The following TMTC1 variants were observed in gnomAD, a reference collection of about 807,000 sequenced individuals.
TMTC1 encodes transmembrane O-mannosyltransferase targeting cadherins 1.
TMTC1 carries 73 observed loss-of-function variants against 104.8 expected under a neutral mutation model. The ratio of observed to expected loss-of-function variants is 0.70; its 90% CI spans 0.58 to 0.85. TMTC1 has a LOEUF of 0.85. Among genes scored for constraint, TMTC1 ranks in the 40% least tolerant of loss-of-function variants. The pLI is 0.00. For synonymous variants in TMTC1, 434 were observed against 428.7 expected (o/e 1.01, Z -0.15); for missense variants, 1,035 against 1,096.1 (o/e 0.94, Z 0.79).
chr12:29,672,075 G>A (rs2136683590), intron 5 of TMTC1, among the ~76,000 whole-genome samples: 1 of 152,218 alleles, frequency 6.6e-6, no homozygotes. Flanking sequence ...ATGGTGAAGT[G>A]GAAGTTCCAA....
chr12:29,650,809 G>A (rs1403657274), intron 5 of TMTC1, among the ~76,000 whole-genome samples: 1 of 152,160 alleles, frequency 6.6e-6, no homozygotes, highest in Non-Finnish European at 1.5e-5. Flanking sequence ...ATTCCGAGGC[G>A]TTCAGTTCTG....
intron 5 of TMTC1, among the ~76,000 whole-genome samples, chr12:29,693,606 AT>A (rs1941328027): frequency 6.6e-6 from 1 of 151,936 alleles, no homozygotes; most frequent in Non-Finnish European, 1.5e-5. Context: ...GCTTCTATAA[AT>A]TTATTTTAAA....
intron 7 of TMTC1, among the ~76,000 whole-genome samples, chr12:29,584,312 T>C (rs1946066529): frequency 1.3e-5 from 2 of 152,354 alleles, no homozygotes; most frequent in Non-Finnish European, 2.9e-5. Flanking sequence ...AGAGATACTT[T>C]CTGCCTGCCA....
At chr12:29,695,821 AT>A (rs1941406882) in intron 5 of TMTC1, among the ~76,000 whole-genome samples, 6 of 82,972 alleles carry the variant, frequency 7.2e-5, no homozygotes, top group African/African-American at 3.2e-4. Context: ...ATATATATAT[AT>A]ATATATAACC....
At chr12:29,668,850 G>C (rs191752942) in intron 5 of TMTC1, among the ~76,000 whole-genome samples, 82 of 152,320 alleles carry the variant, frequency 5.4e-4, no homozygotes, top group Non-Finnish European at 7.5e-4. Flanking sequence ...TCATACAAAT[G>C]AATGAAGTTA....
intron 7 of TMTC1, among the ~76,000 whole-genome samples, chr12:29,597,627 G>GAAA (rs35882753): frequency 0.041 from 5,723 of 139,754 alleles, 381 homozygotes; most frequent in African/African-American, 0.14. Flanking sequence ...CATAAAATGT[G>GAAA]AAAAAAAAAA....
At chr12:29,727,438 G>A (rs910378845) in intron 5 of TMTC1, among the ~76,000 whole-genome samples, 9 of 152,088 alleles carry the variant, frequency 5.9e-5, no homozygotes, top group East Asian at 1.9e-4. Flanking sequence ...GTGCAGTGGC[G>A]CTATCTTGGC....
rs188831104 is a variant in TMTC1, at chr12:29,642,203, T to C, written c.939-8867A>G. On this transcript the variant is annotated intron_variant, in intron 5 of 17. Transcript: ENST00000539277. ...TCGAGGAAAACTTGCCTGTCCTTGC[T>C]AGAGATCTAGACATCCAAACACAAG... 1.2e-3 allele frequency among the ~76,000 whole-genome samples: 185 copies of C among 152,318 alleles called. 1 individual carries two copies. Among genetic ancestry groups the C allele is most frequent in the Middle Eastern group, 6.8e-3 (2 of 294 alleles).
chr12:29,518,518 A>G lies in TMTC1; in HGVS notation c.1978T>C (p.Tyr660His). The G allele has an allele frequency of 6.2e-7, 1 of 1,614,180 alleles. No individual in the cohort carries two copies. The highest frequency in any genetic ancestry group is 1.7e-4 in the Middle Eastern group (1 of 6,060). ...ATGCTGTTCTCTCCCAGTGACCTGTAGAGTCTTCCCAAGTTCACCATGGCC... is the reference window on the plus strand; with the variant it reads ...ATGCTGTTCTCTCCCAGTGACCTGTGGAGTCTTCCCAAGTTCACCATGGCC... The part of the protein sequence containing the change: ...HVAMVNLGRL[Y>H]RSLGENSMAE... The change falls in exon 13 of 18, where the codon TAC becomes CAC. Residue 660 changes from tyrosine (Y) to histidine (H), a missense_variant. Transcript: ENST00000539277.
chr12:29,501,468 C>T lies in TMTC1; in HGVS notation c.*5378G>A, dbSNP rs1943590234. On this transcript the variant is annotated 3_prime_UTR_variant, in exon 18 of 18. Coordinates refer to ENST00000539277, the MANE Select transcript of TMTC1 (RefSeq NM_001193451.2). ...TGACTGGGAGACAATGGCTAACTTG[C>T]CCCAGGTAAGGTGGCTCTTCAGTGG... The T allele has an allele frequency of 6.6e-6, 1 of 152,046 alleles. No homozygotes were observed. The highest frequency in any genetic ancestry group is 6.6e-5 in the Admixed American group (1 of 15,256). The allele number at this position is 152,046 out of a possible 1,614,324, so 9.4% of individuals were successfully genotyped here. A position where few individuals can be genotyped will look rare whatever the true frequency, so the allele number is the denominator to read the frequency against.
chr12:29,716,492 AAATT>A (rs1942085731), intron 5 of TMTC1, among the ~76,000 whole-genome samples: 2 of 152,194 alleles, frequency 1.3e-5, no homozygotes, highest in Non-Finnish European at 2.9e-5. Flanking sequence ...CTGTTTTAAT[AAATT>A]GTTTATTAAA....
intron 5 of TMTC1, among the ~76,000 whole-genome samples, chr12:29,731,614 G>A (rs1482866301): frequency 6.6e-6 from 1 of 150,908 alleles, no homozygotes; most frequent in Non-Finnish European, 1.5e-5. Flanking sequence ...CAATGACCAT[G>A]AGCAGTAGGA....
At chr12:29,716,251 G>A (rs1337558067) in intron 5 of TMTC1, among the ~76,000 whole-genome samples, 1 of 151,942 alleles carries the variant, frequency 6.6e-6, no homozygotes, top group Non-Finnish European at 1.5e-5. Flanking sequence ...TGAACTGCTG[G>A]CTTCAAGGGA....
intron 8 of TMTC1, among the ~76,000 whole-genome samples, chr12:29,581,469 T>TC (rs768398348): frequency 7.9e-5 from 12 of 152,332 alleles, no homozygotes; most frequent in Non-Finnish European, 1.6e-4. Context: ...GTGGAATGGT[T>TC]GTGTTTTAGA....
intron 4 of TMTC1, 149 bp from the exon 5 acceptor site, chr12:29,752,021 T>C: frequency 1.4e-6 from 1 of 734,236 alleles, no homozygotes; most frequent in Non-Finnish European, 2.2e-6. Flanking sequence ...TGATATTTAC[T>C]GCCATATTAT....
At chr12:29,641,918 T>C (rs1187129960) in intron 5 of TMTC1, among the ~76,000 whole-genome samples, 1 of 152,192 alleles carries the variant, frequency 6.6e-6, no homozygotes, top group Non-Finnish European at 1.5e-5. Context: ...CAGGAAACTT[T>C]GGATACATGT....
At chr12:29,674,753 C>A (rs536626624) in intron 5 of TMTC1, among the ~76,000 whole-genome samples, 1 of 152,172 alleles carries the variant, frequency 6.6e-6, no homozygotes, top group African/African-American at 2.4e-5. Context: ...GAAGGGGGGG[C>A]CTTTTCCTAA....
intron 1 of TMTC1, among the ~76,000 whole-genome samples, chr12:29,772,066 A>G (rs1943606481): frequency 2.0e-5 from 3 of 152,228 alleles, no homozygotes; most frequent in Admixed American, 2.0e-4. Flanking sequence ...ACTACAATCC[A>G]ATAAAGATGT....
chr12:29,564,564 C>T (rs536954155), intron 9 of TMTC1, among the ~76,000 whole-genome samples: 2 of 152,242 alleles, frequency 1.3e-5, no homozygotes, highest in Admixed American at 1.3e-4. Context: ...GATGCCCAAG[C>T]ATGGTCCATT....
Sources: gnomAD v4.1 joint callset for allele counts (sites outside exome capture counted in the v4.1 genomes callset) on GRCh38, gnomAD v4.1.1 for gene constraint, MANE v1.5 for transcripts, NCBI Gene and HGNC (gene_info 2026-07-23, HGNC 2026-07-21) for gene names.